OSBPL1A: variants seen among roughly 807,000 people sequenced by gnomAD.
The protein encoded by OSBPL1A is oxysterol-binding protein-related protein 1.
OSBPL1A carries 80 observed loss-of-function variants against 137.1 expected under a neutral mutation model. That is an observed-to-expected ratio of 0.58 (90% CI 0.49 to 0.70). OSBPL1A has a LOEUF of 0.70. OSBPL1A is among the 30% of genes least tolerant of loss of function. The pLI, the probability that OSBPL1A is intolerant of heterozygous loss-of-function variation, is 0.00. For missense variants in OSBPL1A, 970 were observed against 1,129.4 expected (o/e 0.86, Z 2.02); for synonymous variants, 365 against 389.7 (o/e 0.94, Z 0.75).
intron 17 of OSBPL1A, among the ~76,000 whole-genome samples, chr18:24,223,425 T>C (rs569784428): frequency 3.7e-4 from 56 of 152,238 alleles, no homozygotes; most frequent in Non-Finnish European, 6.5e-4. Flanking sequence ...CTCTTTCACT[T>C]TGAACAACTG....
At chr18:24,243,852 T>C (rs1285871859) in intron 15 of OSBPL1A, among the ~76,000 whole-genome samples, 1 of 152,264 alleles carries the variant, frequency 6.6e-6, no homozygotes, top group African/African-American at 2.4e-5. Context: ...TCTCCTGTCA[T>C]GTAAGTGATG....
intron 15 of OSBPL1A, among the ~76,000 whole-genome samples, chr18:24,251,670 G>C (rs530127532): frequency 2.0e-5 from 3 of 152,250 alleles, no homozygotes; most frequent in Middle Eastern, 3.4e-3. Flanking sequence ...AGACACCAAA[G>C]AACATCGGCA....
chr18:24,220,911 G>C (rs905217210), intron 17 of OSBPL1A, among the ~76,000 whole-genome samples: 2 of 151,926 alleles, frequency 1.3e-5, no homozygotes, highest in Admixed American at 6.6e-5. Context: ...CTCCTAAGCA[G>C]CTGGGACTAC....
chr18:24,271,443 T>G lies in OSBPL1A; in HGVS notation c.1281+9399A>C. ...GAAGAGAGCAGGGTCTCCCGGCTGGTGCGCCCCTCCCCACGCGCCCGCGGC... is the reference window on the plus strand; with the variant it reads ...GAAGAGAGCAGGGTCTCCCGGCTGGGGCGCCCCTCCCCACGCGCCCGCGGC... On this transcript the variant is annotated intron_variant, in intron 15 of 27. Coordinates refer to ENST00000319481, the MANE Select transcript of OSBPL1A (RefSeq NM_080597.4). The surrounding 1 kb of genome is among the most constrained non-coding windows in gnomAD (Gnocchi z 4.0). 1.8e-6 allele frequency: 1 copy of G among 551,668 alleles called. No homozygotes were observed. Among genetic ancestry groups the G allele is most frequent in the Non-Finnish European group, 2.3e-6 (1 of 433,566 alleles). 34.2% of individuals were successfully genotyped at this position (551,668 alleles called of 1,614,324 possible).
chr18:24,177,953 A>G (rs996009366), intron 21 of OSBPL1A, 60 bp downstream of exon 21: 2 of 1,488,804 alleles, frequency 1.3e-6, no homozygotes, highest in African/African-American at 2.8e-5. Context: ...CTGAGTGTGC[A>G]TGTCTACACT....
intron 14 of OSBPL1A, among the ~76,000 whole-genome samples, chr18:24,286,643 G>C (rs1376428801): frequency 2.0e-5 from 3 of 152,218 alleles, no homozygotes; most frequent in Non-Finnish European, 4.4e-5. Context: ...TTGATGAAAA[G>C]ATGTTGCACT....
intron 17 of OSBPL1A, among the ~76,000 whole-genome samples, chr18:24,202,104 T>C (rs910563287): frequency 2.0e-5 from 3 of 152,108 alleles, no homozygotes; most frequent in Admixed American, 2.0e-4. Context: ...ATCCTTATAC[T>C]TGGCAGGAGG....
Position 24,271,511 on chromosome 18 carries a change from T to A in OSBPL1A, c.1281+9331A>T. 1 of 965,598 alleles carries A rather than the reference T, an allele frequency of 1.0e-6. No homozygotes were observed. Among genetic ancestry groups the A allele is most frequent in the Non-Finnish European group, 1.2e-6 (1 of 811,856 alleles). The allele number at this position is 965,598 out of a possible 1,614,324, so 59.8% of individuals were successfully genotyped here. On this transcript the variant is annotated intron_variant, in intron 15 of 27. Transcript: ENST00000319481. The surrounding 1 kb of genome is among the most constrained non-coding windows in gnomAD (Gnocchi z 4.0). ...ACACACGTCCAACTATTCTTGGATC[T>A]ACTCACATCCCTGGATCAAGTCTGG...
intron 21 of OSBPL1A, among the ~76,000 whole-genome samples, chr18:24,177,210 G>C (rs1429263121): frequency 6.6e-6 from 1 of 152,092 alleles, no homozygotes. Flanking sequence ...CTTGCTTTGG[G>C]GCAAGGCTGT....
chr18:24,227,607 A>G (rs544933068), intron 16 of OSBPL1A, among the ~76,000 whole-genome samples: 13 of 152,302 alleles, frequency 8.5e-5, no homozygotes, highest in African/African-American at 3.1e-4. Context: ...CAGGGTTGTC[A>G]GGAAAGGCTG....
chr18:24,294,793 C>T (rs1056807944), intron 14 of OSBPL1A, among the ~76,000 whole-genome samples: 1 of 152,120 alleles, frequency 6.6e-6, no homozygotes, highest in Non-Finnish European at 1.5e-5. Context: ...ATAAATACCA[C>T]GTTATTTATC....
chr18:24,165,059 ACGCACCT>A lies in OSBPL1A; in HGVS notation c.2749_2750+5del. The A allele has an allele frequency of 6.2e-7, 1 of 1,614,094 alleles. No individual in the cohort carries two copies. Among genetic ancestry groups the A allele is most frequent in the Admixed American group, 1.7e-5 (1 of 60,026 alleles). On this transcript the variant is annotated splice_donor_variant and splice_donor_5th_base_variant and coding_sequence_variant and intron_variant, in exon 27 of 28. Coordinates refer to ENST00000319481, the MANE Select transcript of OSBPL1A (RefSeq NM_080597.4). LOFTEE classifies it high-confidence loss of function. ...CTCAGCCACACCCCCTGACTCAGGC[ACGCACCT>A]CGTCTTCCAGTCCTCTTCTGACTTG...
intron 2 of OSBPL1A, among the ~76,000 whole-genome samples, chr18:24,371,055 G>T (rs73394389): frequency 1.3e-5 from 2 of 151,962 alleles, no homozygotes; most frequent in African/African-American, 4.8e-5. Flanking sequence ...TCACTTCAAC[G>T]TTTATCATAT....
intron 2 of OSBPL1A, among the ~76,000 whole-genome samples, chr18:24,375,429 G>A (rs1347427473): frequency 6.7e-6 from 1 of 150,116 alleles, no homozygotes; most frequent in South Asian, 2.1e-4. Context: ...GCCATTTTGA[G>A]AACACGTTTT....
chr18:24,321,406 C>T (rs1388477546), intron 7 of OSBPL1A, among the ~76,000 whole-genome samples: 1 of 152,200 alleles, frequency 6.6e-6, no homozygotes, highest in Non-Finnish European at 1.5e-5. Flanking sequence ...AAGTGATCCT[C>T]TCACCTCAGC....
At chr18:24,184,809 TTGCCCCCACCCTGCATTCTCAC>T (rs1383295242) in intron 18 of OSBPL1A, among the ~76,000 whole-genome samples, 1 of 151,142 alleles carries the variant, frequency 6.6e-6, no homozygotes, top group East Asian at 2.0e-4. Flanking sequence ...TGCATTCTCA[TTGCCCCCACCCTGCATTCTCAC>T]TGCCCTGTGA....
chr18:24,272,236 CTTTT>C, intron 15 of OSBPL1A: 1 of 796,260 alleles, frequency 1.3e-6, no homozygotes, highest in Middle Eastern at 6.3e-4. Flanking sequence ...GCCCTGGCAA[CTTTT>C]TTTTTTTCTT....
chr18:24,238,715 T>A (rs1352235367), intron 16 of OSBPL1A, among the ~76,000 whole-genome samples: 3 of 152,244 alleles, frequency 2.0e-5, no homozygotes, highest in Admixed American at 2.0e-4. Context: ...CTTTAGTGTG[T>A]GTTTCTGAGG....
At chr18:24,393,504 G>A (rs528369364) in intron 1 of OSBPL1A, among the ~76,000 whole-genome samples, 1 of 152,198 alleles carries the variant, frequency 6.6e-6, no homozygotes, top group East Asian at 1.9e-4. Context: ...CTAGGCTGGA[G>A]TGCAGTGGCA....
Sources: allele counts gnomAD v4.1 joint callset (sites outside exome capture counted in the v4.1 genomes callset), GRCh38; gene constraint gnomAD v4.1.1; non-coding constraint Gnocchi (gnomAD v3.1); transcripts MANE v1.5; gene names NCBI Gene and HGNC (gene_info 2026-07-23, HGNC 2026-07-21).